Variants in DYNC1I1 observed in about 807,000 individuals in gnomAD.
DYNC1I1 encodes cytoplasmic dynein 1 intermediate chain 1.
A neutral mutation model predicts 86.6 loss-of-function variants in DYNC1I1; 43 were observed. That is an observed-to-expected ratio of 0.50 (90% CI 0.39 to 0.64). The LOEUF is 0.64. Ranked by LOEUF, DYNC1I1 falls within the 30% of genes least tolerant of loss-of-function variation. The pLI, the probability that DYNC1I1 is intolerant of heterozygous loss-of-function variation, is 0.00. For synonymous variants in DYNC1I1, 262 were observed against 283.7 expected (o/e 0.92, Z 0.77); for missense variants, 604 against 788.8 (o/e 0.77, Z 2.81).
intron 6 of DYNC1I1, among the ~76,000 whole-genome samples, chr7:95,966,723 T>C (rs1295090080): frequency 6.6e-6 from 1 of 152,216 alleles, no homozygotes; most frequent in African/African-American, 2.4e-5. Context: ...AATAGACTGA[T>C]AGACATGAAG....
At chr7:95,988,995 T>C (rs964057865) in intron 9 of DYNC1I1, among the ~76,000 whole-genome samples, 4 of 152,196 alleles carry the variant, frequency 2.6e-5, no homozygotes, top group African/African-American at 9.7e-5. Context: ...GCATATGCTC[T>C]TAACCACTGC....
chr7:95,867,316 TA>T (rs1201086773), intron 5 of DYNC1I1, among the ~76,000 whole-genome samples: 2 of 152,232 alleles, frequency 1.3e-5, no homozygotes, highest in African/African-American at 4.8e-5. Context: ...GGCACTAAAC[TA>T]AGTGCTATGT....
At chr7:95,823,481 G>A (rs1795126867) in intron 4 of DYNC1I1, among the ~76,000 whole-genome samples, 1 of 152,172 alleles carries the variant, frequency 6.6e-6, no homozygotes, top group African/African-American at 2.4e-5. Context: ...CAAGTGATGA[G>A]AGCTACTTTC....
downstream of DYNC1I1, among the ~76,000 whole-genome samples, chr7:96,103,327 G>A (rs1012717836): frequency 6.6e-6 from 1 of 152,156 alleles, no homozygotes; most frequent in African/African-American, 2.4e-5. Flanking sequence ...GCTGTTAGTT[G>A]AGCACCCAGT....
intron 5 of DYNC1I1, among the ~76,000 whole-genome samples, chr7:95,834,834 T>C (rs1469439980): frequency 3.3e-5 from 5 of 149,476 alleles, no homozygotes; most frequent in Admixed American, 6.7e-5. Context: ...TTATCATTTT[T>C]TATTGTGTCT....
chr7:96,076,457 A>G (rs989464302), intron 15 of DYNC1I1, among the ~76,000 whole-genome samples: 1 of 152,228 alleles, frequency 6.6e-6, no homozygotes, highest in Non-Finnish European at 1.5e-5. Context: ...GCAAAACGTT[A>G]TGCGTTCACA....
intron 14 of DYNC1I1, among the ~76,000 whole-genome samples, chr7:96,059,116 GT>G (rs1789681712): frequency 6.6e-6 from 1 of 152,176 alleles, no homozygotes; most frequent in Middle Eastern, 3.4e-3. Flanking sequence ...TTGTATGTGT[GT>G]TTCTGTTTAA....
In DYNC1I1 at chr7:95,864,199, A is replaced by G. The variant is rs537819204; in HGVS notation, c.375-5684A>G. 2.6e-5 allele frequency among the ~76,000 whole-genome samples: 4 copies of G among 152,302 alleles called. No individual in the cohort carries two copies. The South Asian group carries it at 8.3e-4, about 32-fold the overall frequency. On this transcript the variant is annotated intron_variant, in intron 5 of 16. Transcript: ENST00000447467. Reference sequence around the variant, plus strand: ...TAACCTTATTGTGAGTGGATAGACAAAAGTGTCAATTGAACCAGAAATGGA... The same window carrying G: ...TAACCTTATTGTGAGTGGATAGACAGAAGTGTCAATTGAACCAGAAATGGA...
At chr7:95,940,162 G>T (rs1792165397) in intron 6 of DYNC1I1, among the ~76,000 whole-genome samples, 1 of 152,202 alleles carries the variant, frequency 6.6e-6, no homozygotes. Context: ...TCTGCCGAGA[G>T]ATCCGCTGTT....
At chr7:96,028,420 T>G (rs1004528534) in intron 11 of DYNC1I1, 99 bp downstream of exon 11, 8 of 1,434,426 alleles carry the variant, frequency 5.6e-6, no homozygotes, top group African/African-American at 1.4e-5. Flanking sequence ...AATGCCAAGT[T>G]AGGAGGATCT....
At chr7:96,100,714 C>T (rs1791122729), downstream of DYNC1I1, among the ~76,000 whole-genome samples, 2 of 143,536 alleles carry the variant, frequency 1.4e-5, no homozygotes, top group South Asian at 4.6e-4. Flanking sequence ...TGACTTTATA[C>T]TCTGGCAAGG....
rs1409343676 is a variant in DYNC1I1 at position 96,076,040 on chromosome 7, G to T, written c.1510-17G>T. On this transcript the variant is annotated splice_polypyrimidine_tract_variant and intron_variant, in intron 14 of 16. Transcript: ENST00000447467. ...GCAGCAGCGCCACAAAGTCTTCACG[G>T]TCTCTCTGCTTTACAGCACAACAAG... 1.9e-6 allele frequency: 3 copies of T among 1,610,868 alleles called. No homozygotes were observed. The highest frequency in any genetic ancestry group is 2.5e-6 in the Non-Finnish European group (3 of 1,177,738).
chr7:95,955,315 ATTTAT>A (rs1406962921), intron 6 of DYNC1I1, among the ~76,000 whole-genome samples: 1 of 151,942 alleles, frequency 6.6e-6, no homozygotes, highest in Non-Finnish European at 1.5e-5. Context: ...GGAAATTTTG[ATTTAT>A]TTTATGAATT....
chr7:95,932,154 T>C (rs769317178), intron 6 of DYNC1I1, among the ~76,000 whole-genome samples: 8 of 152,228 alleles, frequency 5.3e-5, no homozygotes, highest in Admixed American at 2.0e-4. Context: ...ATATTGTCCA[T>C]AGCAGGATAA....
Position 95,869,911 on chromosome 7 carries a change from A to G in DYNC1I1, c.403A>G (p.Lys135Glu), listed in dbSNP as rs146559643. ...GRRLHKLGVS[K>E]VTQVDFLPRE... ...AAGACTGCATAAACTGGGCGTGTCA[A>G]AGGTCACCCAAGTGGATTTCCTGCC... Residue 135 changes from lysine (K) to glutamate (E), a missense_variant, in exon 6 of 17, where the codon AAG (lysine) becomes GAG (glutamate). Physicochemically the swap from Lys to Glu is moderately conservative, Grantham distance 56 (BLOSUM62 1). Coordinates refer to ENST00000447467, the MANE Select transcript of DYNC1I1 (RefSeq NM_001135556.2). The G allele has an allele frequency of 1.2e-6, 2 of 1,614,120 alleles. No homozygotes were observed. Among genetic ancestry groups the G allele is most frequent in the Non-Finnish European group, 1.7e-6 (2 of 1,179,976 alleles).
At chr7:95,921,515 T>G (rs893273163) in intron 6 of DYNC1I1, among the ~76,000 whole-genome samples, 1 of 148,680 alleles carries the variant, frequency 6.7e-6, no homozygotes, top group Non-Finnish European at 1.5e-5. Flanking sequence ...TGGGACAGAC[T>G]TTTCTGCCTA....
chr7:96,068,858 A>G (rs1790074871), intron 14 of DYNC1I1, among the ~76,000 whole-genome samples: 1 of 152,198 alleles, frequency 6.6e-6, no homozygotes, highest in Non-Finnish European at 1.5e-5. Flanking sequence ...CAGATGTTAG[A>G]GTAAAAGGTT....
At chr7:95,901,623 C>T (rs1791039477) in intron 6 of DYNC1I1, among the ~76,000 whole-genome samples, 1 of 152,136 alleles carries the variant, frequency 6.6e-6, no homozygotes, top group Admixed American at 6.5e-5. Context: ...CCAAATTCTC[C>T]TTTTAATGTG....
intron 6 of DYNC1I1, among the ~76,000 whole-genome samples, chr7:95,954,947 G>A (rs941127972): frequency 2.1e-5 from 3 of 144,272 alleles, no homozygotes; most frequent in Non-Finnish European, 3.0e-5. Context: ...AAGATATATG[G>A]ACAATGACTT....
Sources: allele counts gnomAD v4.1 joint callset (sites outside exome capture counted in the v4.1 genomes callset), GRCh38; gene constraint gnomAD v4.1.1; transcripts MANE v1.5; gene names NCBI Gene and HGNC (gene_info 2026-07-23, HGNC 2026-07-21).